The following GALK2 variants were observed in gnomAD, a reference collection of about 807,000 sequenced individuals.
GALK2 encodes the protein N-acetylgalactosamine kinase.
In GALK2, 36 loss-of-function variants were observed where a neutral mutation model predicts 52.4. The ratio of observed to expected loss-of-function variants is 0.69; its 90% CI spans 0.53 to 0.91. GALK2 has a LOEUF of 0.91. Among genes scored for constraint, GALK2 ranks in the 40% least tolerant of loss-of-function variants. The pLI is 0.00. For missense variants in GALK2, 579 were observed against 559.1 expected, an observed-to-expected ratio of 1.04 and a Z score of -0.36; for synonymous variants, 176 against 199.1, an observed-to-expected ratio of 0.88 and a Z score of 0.98.
intron 5 of GALK2, among the ~76,000 whole-genome samples, chr15:49,248,786 G>T (rs1255033753): frequency 2.6e-5 from 4 of 151,796 alleles, no homozygotes; most frequent in Non-Finnish European, 4.4e-5. Context: ...TCACTTCTGG[G>T]TTTTTTTTCC....
intron 1 of GALK2, among the ~76,000 whole-genome samples, chr15:49,172,106 G>A (rs753656868): frequency 1.4e-4 from 21 of 152,102 alleles, no homozygotes; most frequent in Non-Finnish European, 2.9e-4. Context: ...ACATACCCAT[G>A]TGTAAATTCC....
At chr15:49,296,941 TATA>T (rs1226926821) in intron 8 of GALK2, among the ~76,000 whole-genome samples, 3 of 152,240 alleles carry the variant, frequency 2.0e-5, no homozygotes, top group Admixed American at 1.3e-4. Flanking sequence ...CATTTGGGTA[TATA>T]CCCAGTAATG....
At chr15:49,251,276 A>T (rs1431488178) in intron 5 of GALK2, among the ~76,000 whole-genome samples, 3 of 152,214 alleles carry the variant, frequency 2.0e-5, no homozygotes, top group Non-Finnish European at 4.4e-5. Flanking sequence ...TTGGTTTATC[A>T]TTTAAAAATC....
At position 49,261,274 on chromosome 15, in the gene GALK2, G is replaced by T. The variant is rs1397069460; in HGVS notation, c.505-20713G>T. 2.0e-5 allele frequency among the ~76,000 whole-genome samples: 3 copies of T among 147,780 alleles called. No individual in the cohort carries two copies. In the East Asian group the frequency reaches 5.9e-4, roughly 29 times the overall value. On this transcript the variant is annotated intron_variant, in intron 5 of 9. Coordinates refer to ENST00000560031, the MANE Select transcript of GALK2 (RefSeq NM_002044.4). ...GTGGTTTGTAGTTCTCCTTGAAGAG[G>T]TCCTTCACGTCCCTTGTAAGTTGGA... is the stretch of plus-strand genomic sequence containing the variant.
intron 8 of GALK2, among the ~76,000 whole-genome samples, chr15:49,294,608 T>C (rs1358849982): frequency 6.6e-6 from 1 of 152,198 alleles, no homozygotes; most frequent in Admixed American, 6.5e-5. Flanking sequence ...ACAAATCGTA[T>C]TGACTTCTGT....
chr15:49,277,816 A>C, intron 5 of GALK2, among the ~76,000 whole-genome samples: 1 of 152,048 alleles, frequency 6.6e-6, no homozygotes, highest in East Asian at 2.0e-4. Context: ...CAAACAAAAA[A>C]GGATTTGACC....
intron 3 of GALK2, among the ~76,000 whole-genome samples, chr15:49,348,807 G>A (rs912407494): frequency 1.1e-4 from 17 of 152,096 alleles, no homozygotes; most frequent in Admixed American, 2.6e-4. Flanking sequence ...TAGCAAGAAG[G>A]CTTTTACCCC....
chr15:49,365,890 G>T, intron 3 of GALK2: 1 of 966,484 alleles, frequency 1.0e-6, no homozygotes, highest in Non-Finnish European at 1.7e-6. Flanking sequence ...AATTAGTGCA[G>T]CAAGAGAGTT....
chr15:49,208,243 A>T (rs898457749), intron 2 of GALK2, among the ~76,000 whole-genome samples: 1 of 152,134 alleles, frequency 6.6e-6, no homozygotes, highest in Non-Finnish European at 1.5e-5. Flanking sequence ...GTGTGACCTT[A>T]GATTGTCTGT....
At chr15:49,233,554 C>A (rs2090625594) in intron 3 of GALK2, among the ~76,000 whole-genome samples, 1 of 152,178 alleles carries the variant, frequency 6.6e-6, no homozygotes, top group Non-Finnish European at 1.5e-5. Context: ...CTCTCAAAAT[C>A]TCTTTCTGTT....
At chr15:49,233,476 C>T (rs1010032436) in intron 3 of GALK2, among the ~76,000 whole-genome samples, 1 of 152,204 alleles carries the variant, frequency 6.6e-6, no homozygotes, top group Non-Finnish European at 1.5e-5. Context: ...CATGTAGCTT[C>T]CTACATATGT....
chr15:49,195,107 G>A, intron 1 of GALK2: 1 of 452,904 alleles, frequency 2.2e-6, no homozygotes, highest in South Asian at 1.6e-5. Flanking sequence ...TCTGTCACCT[G>A]TGCTGGAGGC....
At chr15:49,213,470 C>G (rs141253055) in intron 2 of GALK2, among the ~76,000 whole-genome samples, 1 of 152,064 alleles carries the variant, frequency 6.6e-6, no homozygotes, top group Admixed American at 6.6e-5. Flanking sequence ...TTTTAAGCCC[C>G]GCATGCATTA....
At chr15:49,280,372 G>A (rs1340972719) in intron 5 of GALK2, among the ~76,000 whole-genome samples, 1 of 152,142 alleles carries the variant, frequency 6.6e-6, no homozygotes, top group Non-Finnish European at 1.5e-5. Context: ...AATGCGGTGG[G>A]GAGTATTGAG....
At chr15:49,178,317 A>G (rs961819134) in intron 1 of GALK2, 3 of 132,736 alleles carry the variant, frequency 2.3e-5, no homozygotes, top group African/African-American at 7.7e-5. Flanking sequence ...GTATGCACAT[A>G]TATGTATGTA....
At chr15:49,204,342 G>T (rs1235767434) in intron 2 of GALK2, among the ~76,000 whole-genome samples, 2 of 147,704 alleles carry the variant, frequency 1.4e-5, no homozygotes, top group African/African-American at 2.5e-5. Context: ...GGGGTCTTTT[G>T]TGATTCCATA....
Position 49,177,353 on chromosome 15 carries a change from G to GT in GALK2, c.53+6979dup, listed in dbSNP as rs2085544344. Among the ~76,000 whole-genome samples, 5 of 145,410 alleles carry GT rather than the reference G, an allele frequency of 3.4e-5. No individual in the cohort carries two copies. In the South Asian group the frequency reaches 8.9e-4, roughly 26 times the overall value. Reference sequence around the variant, plus strand: ...TATGTTAAACCTATTGTATCACACAGTATGTTTTAAACACTGCCAGATAAC... The same window carrying GT: ...TATGTTAAACCTATTGTATCACACAGTTATGTTTTAAACACTGCCAGATAAC... On this transcript the variant is annotated intron_variant, in intron 1 of 9. Transcript: ENST00000560031.
At chr15:49,332,087 CCACACACACACACACACACACA>C (rs377139081), downstream of GALK2, among the ~76,000 whole-genome samples, 1 of 127,854 alleles carries the variant, frequency 7.8e-6, no homozygotes, top group African/African-American at 2.6e-5. Context: ...TGCACACGTG[CCACACACACACACACACACACA>C]CACACACACA....
At chr15:49,170,185 G>T, upstream of GALK2, 1 of 1,474,934 alleles carries the variant, frequency 6.8e-7, no homozygotes. Flanking sequence ...CCACCTCAGC[G>T]AAGCTGCAGG....
Sources: allele counts gnomAD v4.1 joint callset (sites outside exome capture counted in the v4.1 genomes callset), GRCh38; gene constraint gnomAD v4.1.1; transcripts MANE v1.5; gene names NCBI Gene and HGNC (gene_info 2026-07-23, HGNC 2026-07-21).